Variants in KIF13B observed in about 807,000 individuals in gnomAD.
KIF13B encodes the protein kinesin-like protein KIF13B.
In KIF13B, 127 loss-of-function variants were observed where a neutral mutation model predicts 222.0. The observed-to-expected ratio is 0.57, with a 90% confidence interval of 0.50 to 0.66. KIF13B has a LOEUF of 0.66. Among genes scored for constraint, KIF13B ranks in the 30% least tolerant of loss-of-function variants. The probability of loss-of-function intolerance (pLI) is 0.00; values close to 1 mark genes in which losing one functional copy is unlikely to be tolerated. For missense variants in KIF13B, 2,173 were observed against 2,379.0 expected, an observed-to-expected ratio of 0.91 and a Z score of 1.80; for synonymous variants, 976 against 919.0, an observed-to-expected ratio of 1.06 and a Z score of -1.12.
chr8:29,174,288 G>GA (rs752339849), intron 10 of KIF13B, among the ~76,000 whole-genome samples: 81 of 152,162 alleles, frequency 5.3e-4, no homozygotes, highest in Non-Finnish European at 7.8e-4. Flanking sequence ...TGGCTTTTAT[G>GA]AAAAAGAATA....
At chr8:29,127,455 A>G (rs905663898) in intron 24 of KIF13B, among the ~76,000 whole-genome samples, 187 bp from the exon 25 acceptor site, 1 of 152,254 alleles carries the variant, frequency 6.6e-6, no homozygotes, top group Admixed American at 6.5e-5. Context: ...CTTTTAAGTG[A>G]GCTAAAAAAC....
intron 2 of KIF13B, among the ~76,000 whole-genome samples, chr8:29,201,825 A>G (rs1050909858): frequency 2.0e-5 from 3 of 152,228 alleles, no homozygotes; most frequent in Non-Finnish European, 2.9e-5. Context: ...ACCAAACAAC[A>G]ATCTGTGTGA....
intron 22 of KIF13B, among the ~76,000 whole-genome samples, chr8:29,133,062 T>A (rs771112481): frequency 1.1e-4 from 16 of 152,200 alleles, no homozygotes; most frequent in Non-Finnish European, 1.6e-4. Flanking sequence ...TCTCTATCTA[T>A]CTTTAATGTA....
chr8:29,191,325 C>T (rs1336126248), intron 3 of KIF13B, among the ~76,000 whole-genome samples: 1 of 152,006 alleles, frequency 6.6e-6, no homozygotes, highest in Non-Finnish European at 1.5e-5. Flanking sequence ...AGAATTACAT[C>T]TATAGTTTAT....
chr8:29,197,336 C>CAAAAAAAAAAAAAAAAAAAA (rs71222598), intron 2 of KIF13B, among the ~76,000 whole-genome samples: 4 of 57,770 alleles, frequency 6.9e-5, no homozygotes, highest in Non-Finnish European at 1.2e-4. Flanking sequence ...GACTCCGTCT[C>CAAAAAAAAAAAAAAAAAAAA]AAAAAAAAAA....
chr8:29,090,304 T>C (rs1214716421), intron 37 of KIF13B, among the ~76,000 whole-genome samples: 1 of 152,176 alleles, frequency 6.6e-6, no homozygotes, highest in Non-Finnish European at 1.5e-5. Flanking sequence ...TTCTGGCTAC[T>C]CTGTTTAAAC....
In KIF13B at chr8:29,153,125, T is replaced by C. The variant is rs145499189; in HGVS notation, c.1535+2601A>G. ...GCTATGTAGTTACTTAAGATGCTTA[T>C]GGTATGAAGTATTAGAGATCAATAA... On this transcript the variant is annotated intron_variant, in intron 14 of 39. Transcript: ENST00000524189. 3.3e-4 allele frequency among the ~76,000 whole-genome samples: 51 copies of C among 152,320 alleles called. 1 individual carries two copies. Among genetic ancestry groups the C allele is most frequent in the Non-Finnish European group, 5.4e-4 (37 of 68,034 alleles).
intron 29 of KIF13B, among the ~76,000 whole-genome samples, chr8:29,120,135 A>G (rs1269801320): frequency 6.9e-6 from 1 of 145,482 alleles, no homozygotes; most frequent in South Asian, 2.2e-4. Flanking sequence ...AATATTTTAC[A>G]TGGTGGTGAG....
intron 36 of KIF13B, among the ~76,000 whole-genome samples, chr8:29,093,081 G>A (rs1281584387): frequency 1.3e-5 from 2 of 152,110 alleles, no homozygotes; most frequent in Admixed American, 6.5e-5. Context: ...TTAAATAGCA[G>A]TAACTGGGGT....
chr8:29,213,794 C>CAA (rs527277518), intron 2 of KIF13B, among the ~76,000 whole-genome samples: 48 of 144,198 alleles, frequency 3.3e-4, no homozygotes, highest in East Asian at 2.8e-3. Context: ...ACTAAAAATA[C>CAA]AAAAAAAAAA....
chr8:29,238,589 G>A (rs2954796), intron 2 of KIF13B, among the ~76,000 whole-genome samples: 37,908 of 152,024 alleles, frequency 0.25, 5,397 homozygotes, highest in African/African-American at 0.38. Flanking sequence ...TAACCTTTAC[G>A]CTGTCTATTG....
chr8:29,109,378 A>AAGAGG, intron 34 of KIF13B, 56 bp downstream of exon 34: 1 of 1,346,916 alleles, frequency 7.4e-7, no homozygotes, highest in Middle Eastern at 1.8e-4. Flanking sequence ...TACCCAAGAA[A>AAGAGG]AGAGGAGAGG....
rs1811116980 is a variant in KIF13B, at chr8:29,147,618, A to C, written c.1814-16T>G. The C allele has an allele frequency of 6.4e-7, 1 of 1,556,354 alleles. No homozygotes were observed. The highest frequency in any genetic ancestry group is 1.7e-4 in the Middle Eastern group (1 of 5,982). ...TGCATCGGATCTAAACACATTTTTA[A>C]AAAAGATACATGATCGAGAGTTACA... is the stretch of plus-strand genomic sequence containing the variant. On this transcript the variant is annotated splice_polypyrimidine_tract_variant and intron_variant, in intron 16 of 39. Coordinates refer to ENST00000524189, the MANE Select transcript of KIF13B (RefSeq NM_015254.4).
intron 6 of KIF13B, among the ~76,000 whole-genome samples, chr8:29,183,270 T>C (rs1201876331): frequency 6.8e-6 from 1 of 147,544 alleles, no homozygotes; most frequent in Non-Finnish European, 1.5e-5. Flanking sequence ...TCCTGCCTCA[T>C]CCTCCCGAAT....
intron 10 of KIF13B, among the ~76,000 whole-genome samples, chr8:29,174,002 C>T (rs1205734402): frequency 6.7e-6 from 1 of 149,920 alleles, no homozygotes; most frequent in African/African-American, 2.5e-5. Flanking sequence ...TTTTTAAATA[C>T]ATATGTTTAA....
chr8:29,087,170 CT>C (rs897720018), intron 37 of KIF13B, among the ~76,000 whole-genome samples: 1 of 152,164 alleles, frequency 6.6e-6, no homozygotes, highest in African/African-American at 2.4e-5. Flanking sequence ...CCCACAAACT[CT>C]TTGGTAGAAA....
chr8:29,071,511 C>T lies in KIF13B; in HGVS notation c.5218+109G>A. The T allele has an allele frequency of 2.9e-6, 3 of 1,024,138 alleles. No homozygotes were observed. The highest frequency in any genetic ancestry group is 4.3e-6 in the Non-Finnish European group (3 of 694,522). The allele number at this position is 1,024,138 out of a possible 1,614,324, so 63.4% of individuals were successfully genotyped here. A position where few individuals can be genotyped will look rare whatever the true frequency, so the allele number is the denominator to read the frequency against. On this transcript the variant is annotated intron_variant, in intron 39 of 39. Transcript: ENST00000524189. The surrounding 1 kb of genome is among the most constrained non-coding windows in gnomAD (Gnocchi z 4.9). The stretch of plus-strand genomic sequence containing the variant: ...CGCAGCTTCAGCCAAGCCGCTGCCT[C>T]CCGGCCCCTCCCTCTCCTGCCCGGA...
chr8:29,165,197 A>G (rs1648020740), intron 12 of KIF13B, among the ~76,000 whole-genome samples: 1 of 152,168 alleles, frequency 6.6e-6, no homozygotes, highest in Admixed American at 6.5e-5. Flanking sequence ...ATGGTGAGAG[A>G]CAGTCACCTC....
chr8:29,219,645 C>T lies in KIF13B; in HGVS notation c.150-23446G>A, dbSNP rs377378301. On this transcript the variant is annotated intron_variant, in intron 2 of 39. Transcript: ENST00000524189. Reference sequence around the variant, plus strand: ...CATGGTGCCTATAGTCCCAGCAACTCGGGAGGCTGCGGTGAGAAAATCACC... The same window carrying T: ...CATGGTGCCTATAGTCCCAGCAACTTGGGAGGCTGCGGTGAGAAAATCACC... 7.2e-4 allele frequency among the ~76,000 whole-genome samples: 110 copies of T among 151,882 alleles called. 3 individuals are homozygous for T. In the South Asian group the frequency reaches 0.023, roughly 31 times the overall value.
Sources: gnomAD v4.1 joint callset for allele counts (sites outside exome capture counted in the v4.1 genomes callset) on GRCh38, gnomAD v4.1.1 for gene constraint, Gnocchi (gnomAD v3.1) non-coding constraint, MANE v1.5 for transcripts, NCBI Gene and HGNC (gene_info 2026-07-23, HGNC 2026-07-21) for gene names.